PTPRB: variants seen among roughly 807,000 people sequenced by gnomAD.
PTPRB encodes the protein protein tyrosine phosphatase receptor type B.
A neutral mutation model predicts 238.1 loss-of-function variants in PTPRB; 97 were observed. The ratio of observed to expected loss-of-function variants is 0.41; its 90% CI spans 0.35 to 0.48. PTPRB has a LOEUF of 0.48. Ranked by LOEUF, PTPRB falls within the 20% of genes least tolerant of loss-of-function variation. The probability of loss-of-function intolerance (pLI) is 0.30; values close to 1 mark genes in which losing one functional copy is unlikely to be tolerated. For synonymous variants in PTPRB, 970 were observed against 995.4 expected, an observed-to-expected ratio of 0.97 and a Z score of 0.48; for missense variants, 2,292 against 2,681.9, an observed-to-expected ratio of 0.85 and a Z score of 3.21.
intron 11 of PTPRB, among the ~76,000 whole-genome samples, chr12:70,575,823 C>T (rs1479063234): frequency 2.0e-5 from 3 of 152,280 alleles, no homozygotes; most frequent in East Asian, 3.9e-4. Context: ...AAGATTTTTG[C>T]TCCCTAGTCC....
Position 70,537,729 on chromosome 12 carries a change from A to G in PTPRB, c.5946+426T>C, listed in dbSNP as rs144532823. 3.7e-3 allele frequency among the ~76,000 whole-genome samples: 568 copies of G among 152,312 alleles called. 2 individuals are homozygous for G. Among genetic ancestry groups the G allele is most frequent in the African/African-American group, 0.013 (546 of 41,586 alleles). On this transcript the variant is annotated intron_variant, in intron 28 of 33. Coordinates refer to ENST00000334414, the MANE Select transcript of PTPRB (RefSeq NM_001109754.4). ...AAAGCTTTTTCCACTGCAGTATGCC[A>G]TAGGAAGGTGGCAAGATGCTAACCA...
At chr12:70,632,483 C>A (rs965912408) in intron 2 of PTPRB, among the ~76,000 whole-genome samples, 1 of 151,442 alleles carries the variant, frequency 6.6e-6, no homozygotes, top group Non-Finnish European at 1.5e-5. Flanking sequence ...GTGTAAATGA[C>A]GAGTTGATGA....
chr12:70,573,505 C>CTTTTTTTTTTTT (rs937307862), intron 11 of PTPRB, among the ~76,000 whole-genome samples: 40 of 90,812 alleles, frequency 4.4e-4, no homozygotes, highest in African/African-American at 7.7e-4. Context: ...CTTTTCTTTT[C>CTTTTTTTTTTTT]TTTTTTTTTT....
At position 70,635,676 on chromosome 12, in the gene PTPRB, T is replaced by C; in HGVS notation, c.446A>G (p.Gln149Arg). ...CTCTGAAAGGAATAGCTCACCTTTTTGTAAACAGAGGCTTTCATTGACCAG... is the reference window on the plus strand; with the variant it reads ...CTCTGAAAGGAATAGCTCACCTTTTCGTAAACAGAGGCTTTCATTGACCAG... ...GKLVNESLCL[Q>R]KAGLGAEVSV... The change falls in exon 2 of 34, where the codon CAA (glutamine) becomes CGA (arginine). Residue 149 changes from glutamine to arginine, a missense_variant. This residue lies in a region of PTPRB where 1,205 missense variants were observed against 1,287.8 expected (regional missense o/e 0.94). Transcript: ENST00000334414. 5 of 1,612,846 alleles carry C rather than the reference T, an allele frequency of 3.1e-6. No individual in the cohort carries two copies. Among genetic ancestry groups the C allele is most frequent in the Non-Finnish European group, 4.2e-6 (5 of 1,179,166 alleles).
chr12:70,577,154 GAAGTA>G (rs1315134792), intron 10 of PTPRB, among the ~76,000 whole-genome samples: 1 of 152,136 alleles, frequency 6.6e-6, no homozygotes, highest in Non-Finnish European at 1.5e-5. Context: ...TCATTCCTGG[GAAGTA>G]ATAGCTAACA....
At chr12:70,571,385 C>T (rs910530184) in intron 12 of PTPRB, 96 bp from the exon 13 acceptor site, 18 of 1,225,398 alleles carry the variant, frequency 1.5e-5, no homozygotes, top group Non-Finnish European at 2.0e-5. Flanking sequence ...CTGGCAACAT[C>T]TCCCTTCCCC....
chr12:70,565,389 T>C (rs1879156890), intron 15 of PTPRB, among the ~76,000 whole-genome samples: 1 of 152,214 alleles, frequency 6.6e-6, no homozygotes, highest in Non-Finnish European at 1.5e-5. Flanking sequence ...CTCCTGTTCA[T>C]ACCTCTTGGC....
chr12:70,623,502 G>T (rs974892905), intron 2 of PTPRB, among the ~76,000 whole-genome samples: 1 of 152,214 alleles, frequency 6.6e-6, no homozygotes, highest in African/African-American at 2.4e-5. Flanking sequence ...TGCTGATGTT[G>T]CTGGTTTTTG....
intron 31 of PTPRB, among the ~76,000 whole-genome samples, chr12:70,533,479 CAG>C (rs59430616): frequency 2.6e-5 from 4 of 151,864 alleles, no homozygotes; most frequent in African/African-American, 9.7e-5. Flanking sequence ...CCAGGCTCGC[CAG>C]AGAGAGAGAG....
Position 70,560,706 on chromosome 12 carries a change from T to A in PTPRB, c.4397A>T (p.Asp1466Val). 6.2e-7 allele frequency: 1 copy of A among 1,613,974 alleles called. No homozygotes were observed. Among genetic ancestry groups the A allele is most frequent in the Non-Finnish European group, 8.5e-7 (1 of 1,179,890 alleles). Reference sequence around the variant, plus strand: ...CTCCGCTGTGACTTTATTGCTGAGATCTCCACTGTGAGTTACCACCCACAG... The same window carrying A: ...CTCCGCTGTGACTTTATTGCTGAGAACTCCACTGTGAGTTACCACCCACAG... Reference protein sequence around the residue: ...YVLWVVTHSGDLSNKVTAESR... With the variant: ...YVLWVVTHSGVLSNKVTAESR... Residue 1466 changes from aspartate to valine, a missense_variant, in exon 17 of 34, where the codon GAT becomes GTT. Asp to Val is a radical substitution (Grantham distance 152). Around this residue, in one of 4 missense-constraint regions of PTPRB, gnomAD observed 683 missense variants for 862.0 expected, o/e 0.79. Transcript: ENST00000334414. The surrounding 1 kb of genome is among the most constrained non-coding windows in gnomAD (Gnocchi z 4.2).
chr12:70,607,203 C>G (rs1884016138), intron 4 of PTPRB, among the ~76,000 whole-genome samples: 2 of 152,208 alleles, frequency 1.3e-5, no homozygotes, highest in Non-Finnish European at 1.5e-5. Flanking sequence ...AGTAAATCCT[C>G]TGGTTTAAAC....
intron 3 of PTPRB, among the ~76,000 whole-genome samples, chr12:70,610,138 G>GCA (rs889482800): frequency 4.6e-5 from 7 of 152,160 alleles, no homozygotes; most frequent in Non-Finnish European, 8.8e-5. Context: ...TCGTCTCCCG[G>GCA]CAAAGGAACA....
intron 20 of PTPRB, among the ~76,000 whole-genome samples, chr12:70,554,819 A>G (rs1301422167): frequency 1.3e-5 from 2 of 152,190 alleles, no homozygotes; most frequent in Non-Finnish European, 2.9e-5. Flanking sequence ...CCAATAATGA[A>G]GAGGACTGAA....
intron 2 of PTPRB, among the ~76,000 whole-genome samples, chr12:70,631,911 A>G (rs1566027467): frequency 6.6e-6 from 1 of 152,248 alleles, no homozygotes; most frequent in East Asian, 1.9e-4. Flanking sequence ...AATGGCAATC[A>G]TTAAAAAGTC....
chr12:70,620,975 C>A (rs1286375601), intron 3 of PTPRB, among the ~76,000 whole-genome samples: 1 of 152,132 alleles, frequency 6.6e-6, no homozygotes, highest in Non-Finnish European at 1.5e-5. Flanking sequence ...AAGAAGATTA[C>A]TACTGTAATT....
At position 70,519,282 on chromosome 12, in the gene PTPRB, G is replaced by GCT. The variant is rs982799866; in HGVS notation, c.*2205_*2206dup. On this transcript the variant is annotated 3_prime_UTR_variant, in exon 34 of 34. Coordinates refer to ENST00000334414, the MANE Select transcript of PTPRB (RefSeq NM_001109754.4). ...TAACTCCTGGTTTGTGCAATTAATT[G>GCT]CTCTCTCTCCTAGATCCAGAGGTTT... The GCT allele has an allele frequency of 6.6e-6, 1 of 152,068 alleles. No individual in the cohort carries two copies. Among genetic ancestry groups the GCT allele is most frequent in the Non-Finnish European group, 1.5e-5 (1 of 68,022 alleles). The allele number at this position is 152,068 out of a possible 1,614,324, so 9.4% of individuals were successfully genotyped here.
At position 70,532,430 on chromosome 12, in the gene PTPRB, C is replaced by T. The variant is rs557820576; in HGVS notation, c.6369-260G>A. ...GCTCTGCACTTACTGTGTATCATTT[C>T]CACGCATGTTTTTAATACTTTTCCT... is the stretch of plus-strand genomic sequence containing the variant. On this transcript the variant is annotated intron_variant, in intron 31 of 33. Transcript: ENST00000334414. Among the ~76,000 whole-genome samples, 7 of 147,642 alleles carry T rather than the reference C, an allele frequency of 4.7e-5. No individual in the cohort carries two copies. In the South Asian group the frequency reaches 8.8e-4, roughly 19 times the overall value.
At position 70,594,654 on chromosome 12, in the gene PTPRB, A is replaced by G. The variant is rs1271426615; in HGVS notation, c.1329T>C (p.Gly443=). Residue 443 remains glycine (G), a synonymous_variant, in exon 6 of 34, where the codon GGT becomes GGC. Transcript: ENST00000334414. ...GCCGGTATCGTTCCACATTCCCAGA[A>G]CCATGGGACCAGGAAATCAGGAGAG... The part of the protein sequence containing the change: ...ANSLLISWSH[G]SGNVERYRLM... 6.2e-7 allele frequency: 1 copy of G among 1,613,850 alleles called. No individual in the cohort carries two copies. The highest frequency in any genetic ancestry group is 1.3e-5 in the African/African-American group (1 of 74,906).
intron 13 of PTPRB, 99 bp from the exon 14 acceptor site, chr12:70,570,037 G>A (rs1267738739): frequency 9.0e-7 from 1 of 1,108,120 alleles, no homozygotes; most frequent in Non-Finnish European, 1.3e-6. Context: ...GGCACCCACT[G>A]AGAGAACTCA....
Sources: allele counts gnomAD v4.1 joint callset (sites outside exome capture counted in the v4.1 genomes callset), GRCh38; gene constraint gnomAD v4.1.1; regional missense constraint gnomAD v4.1.1; non-coding constraint Gnocchi (gnomAD v3.1); transcripts MANE v1.5; gene names NCBI Gene and HGNC (gene_info 2026-07-23, HGNC 2026-07-21).